Variants in ANKDD1A observed in about 807,000 individuals in gnomAD.
ANKDD1A encodes ankyrin repeat and death domain-containing protein 1A.
ANKDD1A carries 59 observed loss-of-function variants against 63.5 expected under a neutral mutation model. That is an observed-to-expected ratio of 0.93 (90% CI 0.75 to 1.15). The LOEUF (loss-of-function observed/expected upper bound fraction) is 1.15, where lower values mean the gene tolerates loss of function less well. ANKDD1A is among the 50% of genes most tolerant of loss of function. The pLI is 0.00. For missense variants in ANKDD1A, 632 were observed against 656.4 expected (o/e 0.96, Z 0.41); for synonymous variants, 266 against 263.9 (o/e 1.01, Z -0.08).
rs1268672315 is a variant in ANKDD1A, at chr15:64,951,377, CTT to C, written c.1483+1409_1483+1410del. On this transcript the variant is annotated intron_variant, in intron 14 of 14. Coordinates refer to ENST00000319580, the MANE Select transcript of ANKDD1A (RefSeq NM_182703.6). The stretch of plus-strand genomic sequence containing the variant: ...TCTTTCTTCTTCCTCTTTCTTCTTT[CTT>C]TTTCTTTTCTTCTTCCTCTTTTTTC... 15 of 418,848 alleles carry C rather than the reference CTT, an allele frequency of 3.6e-5. No homozygotes were observed. In the African/African-American group the frequency reaches 4.4e-4, roughly 12 times the overall value. 25.9% of individuals were successfully genotyped at this position (418,848 alleles called of 1,614,324 possible).
Position 64,926,317 on chromosome 15 carries a change from A to T in ANKDD1A, c.471+147A>T. ...TGGCCTGGGGAGCCGCTGGTTGGGA[A>T]GAGGTGTTGAGGCGCAAATGAGCAG... is the stretch of plus-strand genomic sequence containing the variant. On this transcript the variant is annotated intron_variant, in intron 5 of 14. Coordinates refer to ENST00000319580, the MANE Select transcript of ANKDD1A (RefSeq NM_182703.6). 5 of 741,060 alleles carry T rather than the reference A, an allele frequency of 6.7e-6. No individual in the cohort carries two copies. In the South Asian group the frequency reaches 8.7e-5, roughly 13 times the overall value. 45.9% of individuals were successfully genotyped at this position (741,060 alleles called of 1,614,324 possible). A position where few individuals can be genotyped will look rare whatever the true frequency, so the allele number is the denominator to read the frequency against.
intron 9 of ANKDD1A, among the ~76,000 whole-genome samples, chr15:64,941,538 T>C (rs903946209): frequency 3.3e-5 from 5 of 152,194 alleles, no homozygotes; most frequent in African/African-American, 1.2e-4. Context: ...GTTCAAATCT[T>C]CTTTTCTAAT....
At chr15:64,954,388 TTCTTTC>T (rs2085383987) in intron 14 of ANKDD1A, among the ~76,000 whole-genome samples, 3 of 144,194 alleles carry the variant, frequency 2.1e-5, no homozygotes, top group African/African-American at 8.3e-5. Context: ...TCTTTTCTTC[TTCTTTC>T]TTCTTCCTTC....
intron 14 of ANKDD1A, among the ~76,000 whole-genome samples, chr15:64,952,320 T>C (rs1238076989): frequency 1.2e-5 from 1 of 86,736 alleles, no homozygotes; most frequent in Non-Finnish European, 2.6e-5. Flanking sequence ...TCTTTTTCTT[T>C]CTTCCTTCTT....
chr15:64,924,295 T>TGGCAAGGGCTCTAGA (rs2085029742), intron 4 of ANKDD1A, among the ~76,000 whole-genome samples: 1 of 152,222 alleles, frequency 6.6e-6, no homozygotes, highest in Admixed American at 6.5e-5. Context: ...AGAGCAGAAT[T>TGGCAAGGGCTCTAGA]GGCAAGGGCT....
At chr15:64,917,142 T>A (rs1306512514) in intron 2 of ANKDD1A, among the ~76,000 whole-genome samples, 1 of 152,154 alleles carries the variant, frequency 6.6e-6, no homozygotes, top group Non-Finnish European at 1.5e-5. Context: ...CTGAGAGCCA[T>A]GAGAAACTGT....
At chr15:64,951,721 C>CTTCCTTTTTCTTTTT in intron 14 of ANKDD1A, among the ~76,000 whole-genome samples, 1 of 73,540 alleles carries the variant, frequency 1.4e-5, no homozygotes, top group South Asian at 3.3e-4. Context: ...CTTTTTCTTC[C>CTTCCTTTTTCTTTTT]CTTTTCTTCT....
chr15:64,951,557 T>TCTTTTCTTTTG (rs1555397401), intron 14 of ANKDD1A: 1 of 10,438 alleles, frequency 9.6e-5, no homozygotes, highest in African/African-American at 1.2e-4. Context: ...TTCTCTTCTT[T>TCTTTTCTTTTG]CTTTTTCTTT....
chr15:64,950,573 T>TAATGGGGCAACCACAG, intron 14 of ANKDD1A: 1 of 985,432 alleles, frequency 1.0e-6, no homozygotes. Context: ...ACGTGGTACA[T>TAATGGGGCAACCACAG]AATGGGGCAA....
Position 64,926,903 on chromosome 15 carries a change from G to A in ANKDD1A, c.474G>A (p.Leu158=). The A allele has an allele frequency of 1.9e-6, 3 of 1,614,122 alleles. No homozygotes were observed. Among genetic ancestry groups the A allele is most frequent in the Non-Finnish European group, 2.5e-6 (3 of 1,179,992 alleles). ...ACACCGCTTCTCCTCCCGGCCAGCT[G>A]GGGAGGACGGCGTTTCACAGGGCAG... ...EDVALDHVDK[L]GRTAFHRAAE... Residue 158 remains leucine (L), a splice_region_variant and synonymous_variant, in exon 6 of 15, where the codon CTG becomes CTA. Transcript: ENST00000319580.
chr15:64,931,408 C>T (rs995433827), intron 7 of ANKDD1A, 79 bp from the exon 8 acceptor site: 4 of 1,374,112 alleles, frequency 2.9e-6, no homozygotes, highest in African/African-American at 2.9e-5. Flanking sequence ...GCACAAGGGG[C>T]ATCCTCTCAC....
rs1389416512 is a variant in ANKDD1A, at chr15:64,926,153, C to T, written c.454C>T (p.Leu152=). ...FIMEDLEDVA[L]DHVDKLGRTA... ...AATGGAGGACCTGGAGGATGTGGCC[C>T]TGGACCACGTAGACAAGGTGAGAGT... Residue 152 remains leucine, a synonymous_variant, in exon 5 of 15, where the codon CTG becomes TTG. Transcript: ENST00000319580. 2 of 1,613,824 alleles carry T rather than the reference C, an allele frequency of 1.2e-6. No individual in the cohort carries two copies. Among genetic ancestry groups the T allele is most frequent in the Non-Finnish European group, 1.7e-6 (2 of 1,179,944 alleles).
At chr15:64,949,490 A>G (rs1420700048) in intron 13 of ANKDD1A, among the ~76,000 whole-genome samples, 1 of 152,204 alleles carries the variant, frequency 6.6e-6, no homozygotes, top group Non-Finnish European at 1.5e-5. Context: ...GAGGTGAAGT[A>G]TACAATTTGT....
At chr15:64,950,365 A>T in intron 14 of ANKDD1A, 1 of 985,436 alleles carries the variant, frequency 1.0e-6, no homozygotes, top group Non-Finnish European at 1.2e-6. Flanking sequence ...ATATGAGTTG[A>T]ACCAGTCAAA....
At chr15:64,943,443 A>G (rs1485537668) in intron 10 of ANKDD1A, 41 bp from the exon 11 acceptor site, 1 of 1,581,824 alleles carries the variant, frequency 6.3e-7, no homozygotes, top group African/African-American at 1.3e-5. Context: ...GGCCACCCCT[A>G]CATGCTTTTC....
intron 14 of ANKDD1A, among the ~76,000 whole-genome samples, chr15:64,953,676 TTTC>T (rs1166752509): frequency 3.9e-5 from 3 of 77,092 alleles, no homozygotes; most frequent in East Asian, 2.6e-4. Context: ...TTCTCCTTCT[TTTC>T]TTCTCCTTCT....
chr15:64,948,352 G>T (rs1470099486), intron 13 of ANKDD1A, among the ~76,000 whole-genome samples: 1 of 152,154 alleles, frequency 6.6e-6, no homozygotes, highest in Non-Finnish European at 1.5e-5. Flanking sequence ...TCTCCAATTA[G>T]ATTAAAACTT....
Position 64,911,919 on chromosome 15 carries a change from C to T in ANKDD1A, c.-12C>T. 4 of 1,246,988 alleles carry T rather than the reference C, an allele frequency of 3.2e-6. No individual in the cohort carries two copies. The highest frequency in any genetic ancestry group is 4.0e-6 in the Non-Finnish European group (4 of 992,572). The allele number at this position is 1,246,988 out of a possible 1,614,324, so 77.2% of individuals were successfully genotyped here. ...CGGGCACCAGCGCGCGCAGGGGCTG[C>T]GGAGCGGCAGGATGCAGGAGGAGCT... On this transcript the variant is annotated 5_prime_UTR_variant, in exon 1 of 15. Transcript: ENST00000319580.
chr15:64,922,632 A>G (rs1163326119), intron 4 of ANKDD1A, among the ~76,000 whole-genome samples: 2 of 152,196 alleles, frequency 1.3e-5, no homozygotes, highest in East Asian at 3.8e-4. Flanking sequence ...CTTCTTGAAA[A>G]TTTAGCATTT....
Sources: gnomAD v4.1 joint callset for allele counts (sites outside exome capture counted in the v4.1 genomes callset) on GRCh38, gnomAD v4.1.1 for gene constraint, MANE v1.5 for transcripts, NCBI Gene and HGNC (gene_info 2026-07-23, HGNC 2026-07-21) for gene names.